Variants in ROBO2 observed in about 807,000 individuals in gnomAD.
ROBO2 encodes the protein roundabout guidance receptor 2.
In ROBO2, 53 loss-of-function variants were observed where a neutral mutation model predicts 160.8. The observed-to-expected ratio is 0.33, with a 90% CI of 0.26 to 0.41. The LOEUF (loss-of-function observed/expected upper bound fraction) is 0.41, where lower values mean the gene tolerates loss of function less well. ROBO2 is among the 10% of genes least tolerant of loss of function. ROBO2 has a pLI of 1.00. For missense variants in ROBO2, 1,577 were observed against 1,722.4 expected, an observed-to-expected ratio of 0.92 and a Z score of 1.49; for synonymous variants, 664 against 611.7, an observed-to-expected ratio of 1.09 and a Z score of -1.26.
chr3:75,973,641 A>G (rs1389912567), intron 2 of ROBO2, among the ~76,000 whole-genome samples: 1 of 151,692 alleles, frequency 6.6e-6, no homozygotes, highest in Non-Finnish European at 1.5e-5. Flanking sequence ...AATAATGGAA[A>G]TTTTGAAAAA....
At chr3:77,633,818 T>C (rs1293394010) in intron 23 of ROBO2, 1 of 152,210 alleles carries the variant, frequency 6.6e-6, no homozygotes, top group Non-Finnish European at 1.5e-5. Flanking sequence ...AGTCTGAAAC[T>C]TTATGTTGCT....
At chr3:77,477,830 C>CTTTTT (rs11371687) in intron 3 of ROBO2, among the ~76,000 whole-genome samples, 84 of 84,464 alleles carry the variant, frequency 9.9e-4, no homozygotes, top group African/African-American at 1.6e-3. Flanking sequence ...TATTTTAGCT[C>CTTTTT]TTTTTTTTTT....
chr3:76,667,695 A>G (rs1322907341), intron 2 of ROBO2, among the ~76,000 whole-genome samples: 1 of 81,824 alleles, frequency 1.2e-5, no homozygotes, highest in Non-Finnish European at 2.9e-5. Flanking sequence ...TATTTTTAGC[A>G]GTGATCAGAC....
intron 2 of ROBO2, among the ~76,000 whole-genome samples, chr3:76,419,814 G>A (rs1026101282): frequency 2.0e-5 from 3 of 152,046 alleles, no homozygotes; most frequent in African/African-American, 7.2e-5. Context: ...AATGTTATAT[G>A]ATTATATTCA....
intron 2 of ROBO2, among the ~76,000 whole-genome samples, chr3:76,708,063 C>G (rs1381124808): frequency 6.6e-6 from 1 of 152,020 alleles, no homozygotes; most frequent in Non-Finnish European, 1.5e-5. Context: ...GTTTTCATTC[C>G]CCTTTGAAGC....
intron 2 of ROBO2, among the ~76,000 whole-genome samples, chr3:77,157,123 C>A (rs964363163): frequency 6.6e-6 from 1 of 151,968 alleles, no homozygotes; most frequent in Non-Finnish European, 1.5e-5. Context: ...ATGTAGAAAA[C>A]CATATTGTTA....
chr3:76,296,325 AC>A (rs1224425723), intron 2 of ROBO2, among the ~76,000 whole-genome samples: 2 of 152,218 alleles, frequency 1.3e-5, no homozygotes, highest in Admixed American at 1.3e-4. Flanking sequence ...GTGAAAGAAT[AC>A]ATTTTTGATG....
intron 2 of ROBO2, among the ~76,000 whole-genome samples, chr3:77,232,422 AGT>A (rs1308803636): frequency 6.6e-6 from 1 of 152,138 alleles, no homozygotes; most frequent in East Asian, 1.9e-4. Flanking sequence ...CAGTGGAAAG[AGT>A]GAGAGACAAG....
chr3:77,636,566 T>C (rs1203943995), intron 24 of ROBO2, among the ~76,000 whole-genome samples: 2 of 151,562 alleles, frequency 1.3e-5, no homozygotes, highest in Non-Finnish European at 2.9e-5. Flanking sequence ...CACTCCAGCC[T>C]GGGCAACAGA....
At chr3:77,289,442 A>G (rs1205476292) in intron 2 of ROBO2, among the ~76,000 whole-genome samples, 1 of 151,918 alleles carries the variant, frequency 6.6e-6, no homozygotes, top group Non-Finnish European at 1.5e-5. Context: ...CCAGAAATTA[A>G]GTAAAATTGA....
intron 2 of ROBO2, among the ~76,000 whole-genome samples, chr3:76,543,142 A>G (rs1466098247): frequency 6.6e-6 from 1 of 152,058 alleles, no homozygotes; most frequent in African/African-American, 2.4e-5. Context: ...TGCATTCTAA[A>G]TTTTCTTAGT....
chr3:77,312,085 CA>C (rs2063591594), intron 2 of ROBO2, among the ~76,000 whole-genome samples: 1 of 149,854 alleles, frequency 6.7e-6, no homozygotes, highest in South Asian at 2.1e-4. Flanking sequence ...GATTACATCT[CA>C]AAAAAGAAAA....
intron 5 of ROBO2, among the ~76,000 whole-genome samples, chr3:77,517,908 C>T (rs944081905): frequency 6.6e-6 from 1 of 151,420 alleles, no homozygotes; most frequent in African/African-American, 2.4e-5. Context: ...AGTTCAGTGC[C>T]ATCTGTGGCT....
chr3:76,156,768 G>GAAC (rs2072425516), intron 2 of ROBO2, among the ~76,000 whole-genome samples: 1 of 152,182 alleles, frequency 6.6e-6, no homozygotes, highest in African/African-American at 2.4e-5. Flanking sequence ...AGGAGTTGGA[G>GAAC]ACCAGCCTGC....
chr3:76,813,901 AT>A (rs1295306919), intron 2 of ROBO2, among the ~76,000 whole-genome samples: 4 of 152,192 alleles, frequency 2.6e-5, no homozygotes, highest in Non-Finnish European at 2.9e-5. Context: ...ACTGAGACTA[AT>A]ATAAAGCTTT....
intron 2 of ROBO2, among the ~76,000 whole-genome samples, chr3:77,103,198 TGACA>T (rs1387954439): frequency 6.6e-6 from 1 of 152,172 alleles, no homozygotes; most frequent in African/African-American, 2.4e-5. Flanking sequence ...GGCAAATAGA[TGACA>T]GCAGCTTGAT....
At chr3:76,107,433 C>T (rs937520626) in intron 2 of ROBO2, among the ~76,000 whole-genome samples, 8 of 152,080 alleles carry the variant, frequency 5.3e-5, no homozygotes, top group Admixed American at 3.9e-4. Context: ...CTCAGAGAAC[C>T]AAATCCATTG....
chr3:75,994,428 G>A (rs1421442392), intron 2 of ROBO2, among the ~76,000 whole-genome samples: 1 of 152,162 alleles, frequency 6.6e-6, no homozygotes, highest in Non-Finnish European at 1.5e-5. Context: ...AATCAGGAGG[G>A]TGGTTTTCCA....
intron 2 of ROBO2, among the ~76,000 whole-genome samples, chr3:76,159,513 G>A (rs1434711153): frequency 6.6e-6 from 1 of 152,104 alleles, no homozygotes; most frequent in East Asian, 1.9e-4. Flanking sequence ...TAGACAGAAG[G>A]TTAAGAGTTT....
Sources: gnomAD v4.1 joint callset for allele counts (sites outside exome capture counted in the v4.1 genomes callset) on GRCh38, gnomAD v4.1.1 for gene constraint, MANE v1.5 for transcripts, NCBI Gene and HGNC (gene_info 2026-07-23, HGNC 2026-07-21) for gene names.